Variants in RNF180 observed in about 807,000 individuals in gnomAD.
The protein encoded by RNF180 is E3 ubiquitin-protein ligase RNF180.
In RNF180, 38 loss-of-function variants were observed where a neutral mutation model predicts 59.2. The ratio of observed to expected loss-of-function variants is 0.64; its 90% CI spans 0.50 to 0.84. The LOEUF (loss-of-function observed/expected upper bound fraction) is 0.84, where lower values mean the gene tolerates loss of function less well. Ranked by LOEUF, RNF180 falls within the 40% of genes least tolerant of loss-of-function variation. RNF180 has a pLI of 0.00. For synonymous variants in RNF180, 262 were observed against 240.3 expected, an observed-to-expected ratio of 1.09 and a Z score of -0.84; for missense variants, 705 against 700.9, an observed-to-expected ratio of 1.01 and a Z score of -0.07.
chr5:64,318,179 A>C (rs1316131036), intron 5 of RNF180, among the ~76,000 whole-genome samples: 1 of 152,220 alleles, frequency 6.6e-6, no homozygotes. Flanking sequence ...TTAACTTAAA[A>C]ATTAGTCACA....
At chr5:64,352,001 G>A (rs1745835752) in intron 7 of RNF180, among the ~76,000 whole-genome samples, 1 of 152,040 alleles carries the variant, frequency 6.6e-6, no homozygotes, top group African/African-American at 2.4e-5. Flanking sequence ...TGTACCTCTG[G>A]TAGAATTCGG....
At chr5:64,224,095 G>GTA (rs1484726339) in intron 5 of RNF180, among the ~76,000 whole-genome samples, 1 of 151,480 alleles carries the variant, frequency 6.6e-6, no homozygotes, top group African/African-American at 2.4e-5. Context: ...GTGTGTGTGT[G>GTA]TGTGTGTGTA....
rs1743348320 is a variant in RNF180, at chr5:64,304,837, C to T, written c.1228-20349C>T. ...CTGTGGATAATATGCTATAAAACAG[C>T]ATTGCATGCTACAGATAAATTTTTG... On this transcript the variant is annotated intron_variant, in intron 5 of 7. Coordinates refer to ENST00000389100, the MANE Select transcript of RNF180 (RefSeq NM_001113561.2). Among the ~76,000 whole-genome samples the T allele has an allele frequency of 2.6e-5, 4 of 151,588 alleles. No individual in the cohort carries two copies. In the South Asian group the frequency reaches 8.3e-4, roughly 31 times the overall value.
At chr5:64,218,941 G>T (rs1293887740) in intron 5 of RNF180, among the ~76,000 whole-genome samples, 1 of 152,014 alleles carries the variant, frequency 6.6e-6, no homozygotes, top group African/African-American at 2.4e-5. Flanking sequence ...GACGTTTCTT[G>T]TCAGATTTAT....
chr5:64,195,156 A>G (rs1169828642), intron 1 of RNF180, among the ~76,000 whole-genome samples: 3 of 152,336 alleles, frequency 2.0e-5, no homozygotes, highest in East Asian at 1.9e-4. Context: ...GGAAAACTGT[A>G]TAGGAAAATG....
At position 64,201,874 on chromosome 5, in the gene RNF180, G is replaced by T. The variant is rs563063823; in HGVS notation, c.135+932G>T. Among the ~76,000 whole-genome samples, 8 of 152,176 alleles carry T rather than the reference G, an allele frequency of 5.3e-5. No homozygotes were observed. The East Asian group carries it at 1.5e-3, about 29-fold the overall frequency. ...CCTGCCTCAGCCTCCCAAGTAGCTG[G>T]GATTACAGGTGCCTGCCACCATGCC... On this transcript the variant is annotated intron_variant, in intron 2 of 7. Coordinates refer to ENST00000389100, the MANE Select transcript of RNF180 (RefSeq NM_001113561.2).
intron 5 of RNF180, among the ~76,000 whole-genome samples, chr5:64,285,324 G>A (rs542913156): frequency 6.6e-6 from 1 of 152,334 alleles, no homozygotes; most frequent in Admixed American, 6.5e-5. Context: ...ACTAGCAGCA[G>A]CAGCAGGTTG....
At chr5:64,257,819 T>A (rs551865199) in intron 5 of RNF180, among the ~76,000 whole-genome samples, 1 of 152,226 alleles carries the variant, frequency 6.6e-6, no homozygotes, top group South Asian at 2.1e-4. Flanking sequence ...CAGTCAACAT[T>A]AGAGAGATCA....
At chr5:64,230,359 A>T (rs1309259215) in intron 5 of RNF180, among the ~76,000 whole-genome samples, 3 of 152,222 alleles carry the variant, frequency 2.0e-5, no homozygotes, top group African/African-American at 7.2e-5. Context: ...TGTTAGCAGG[A>T]TTGCATTTCT....
chr5:64,320,089 T>C (rs13185478), intron 5 of RNF180, among the ~76,000 whole-genome samples: 1 of 152,184 alleles, frequency 6.6e-6, no homozygotes, highest in African/African-American at 2.4e-5. Flanking sequence ...AAGCAGAAAC[T>C]CTAGGGATGG....
chr5:64,313,074 G>A (rs1743858194), intron 5 of RNF180, among the ~76,000 whole-genome samples: 1 of 151,924 alleles, frequency 6.6e-6, no homozygotes, highest in Non-Finnish European at 1.5e-5. Context: ...AAGATATCTT[G>A]GAGATAGGAC....
intron 5 of RNF180, among the ~76,000 whole-genome samples, chr5:64,262,735 T>C (rs1002220584): frequency 1.3e-5 from 2 of 152,300 alleles, no homozygotes; most frequent in Admixed American, 1.3e-4. Context: ...AATTCTCATG[T>C]AGAAAATTCA....
intron 7 of RNF180, among the ~76,000 whole-genome samples, chr5:64,360,421 G>C (rs1007197575): frequency 6.6e-6 from 1 of 151,636 alleles, no homozygotes; most frequent in Non-Finnish European, 1.5e-5. Context: ...AATACTAAGA[G>C]CTATCTATGA....
At chr5:64,291,500 C>T (rs1475007450) in intron 5 of RNF180, among the ~76,000 whole-genome samples, 2 of 141,702 alleles carry the variant, frequency 1.4e-5, no homozygotes, top group Non-Finnish European at 3.0e-5. Flanking sequence ...TCTTGGCTCA[C>T]TGCAAGCTCC....
intron 4 of RNF180, 84 bp downstream of exon 4, chr5:64,214,601 A>G (rs534640858): frequency 2.1e-4 from 261 of 1,255,028 alleles, no homozygotes; most frequent in Middle Eastern, 2.8e-4. Flanking sequence ...CAACATCTGT[A>G]TAATAAAAAC....
intron 5 of RNF180, among the ~76,000 whole-genome samples, chr5:64,275,188 T>G (rs1175854975): frequency 6.6e-6 from 1 of 151,578 alleles, no homozygotes; most frequent in Admixed American, 6.6e-5. Context: ...TTAAAGTAAC[T>G]TCCATATGCT....
chr5:64,359,008 C>T (rs1323125315), intron 7 of RNF180, among the ~76,000 whole-genome samples: 1 of 150,508 alleles, frequency 6.6e-6, no homozygotes, highest in African/African-American at 2.4e-5. Context: ...TGTATATGTG[C>T]CACATTTTCT....
At chr5:64,167,225 A>G (rs1749693450) in intron 1 of RNF180, among the ~76,000 whole-genome samples, 1 of 152,244 alleles carries the variant, frequency 6.6e-6, no homozygotes, top group Non-Finnish European at 1.5e-5. Flanking sequence ...ATATTTGAGT[A>G]AGTTTTTTCT....
intron 4 of RNF180, among the ~76,000 whole-genome samples, chr5:64,216,509 A>G (rs1752637504): frequency 6.6e-6 from 1 of 152,214 alleles, no homozygotes; most frequent in Non-Finnish European, 1.5e-5. Context: ...ATTATTAATG[A>G]TAGTTTTTTA....
Sources: allele counts gnomAD v4.1 joint callset (sites outside exome capture counted in the v4.1 genomes callset), GRCh38; gene constraint gnomAD v4.1.1; transcripts MANE v1.5; gene names NCBI Gene and HGNC (gene_info 2026-07-23, HGNC 2026-07-21).